MBTPS1: variants seen among roughly 807,000 people sequenced by gnomAD.
MBTPS1 encodes the protein membrane bound transcription factor peptidase, site 1.
Under a neutral mutation model 127.8 loss-of-function variants are expected in MBTPS1, and 94 were observed. The observed-to-expected ratio is 0.74, with a 90% CI of 0.62 to 0.87. The LOEUF (loss-of-function observed/expected upper bound fraction) is 0.87, where lower values mean the gene tolerates loss of function less well. Ranked by LOEUF, MBTPS1 falls within the 40% of genes least tolerant of loss-of-function variation. The pLI, the probability that MBTPS1 is intolerant of heterozygous loss-of-function variation, is 0.00. For missense variants in MBTPS1, 1,636 were observed against 1,353.2 expected, an observed-to-expected ratio of 1.21 and a Z score of -3.28; for synonymous variants, 632 against 509.4, an observed-to-expected ratio of 1.24 and a Z score of -3.24.
intron 13 of MBTPS1, among the ~76,000 whole-genome samples, chr16:84,070,323 T>G (rs1006704756): frequency 1.3e-5 from 2 of 152,194 alleles, no homozygotes; most frequent in African/African-American, 4.8e-5. Flanking sequence ...TTTGGTGCAC[T>G]CCTTTTGAGC....
Position 84,074,707 on chromosome 16 carries a change from G to A in MBTPS1, c.1483C>T (p.Pro495Ser), listed in dbSNP as rs2085827019. The change falls in exon 12 of 23, where the codon CCC (proline) becomes TCC (serine). Residue 495 changes from proline to serine, a missense_variant. Coordinates refer to ENST00000343411, the MANE Select transcript of MBTPS1 (RefSeq NM_003791.4). ...TGGGAGCAGTAGGGCCACATGTAGGGACACTCAGTCAGATCTATGTAGCTG... is the reference window on the plus strand; with the variant it reads ...TGGGAGCAGTAGGGCCACATGTAGGAACACTCAGTCAGATCTATGTAGCTG... ...SPSYIDLTEC[P>S]YMWPYCSQPI... The A allele has an allele frequency of 1.2e-6, 2 of 1,613,982 alleles. No individual in the cohort carries two copies. Among genetic ancestry groups the A allele is most frequent in the Non-Finnish European group, 8.5e-7 (1 of 1,179,984 alleles).
At chr16:84,055,768 T>C (rs993100011) in intron 22 of MBTPS1, among the ~76,000 whole-genome samples, 2 of 152,200 alleles carry the variant, frequency 1.3e-5, no homozygotes, top group African/African-American at 4.8e-5. Flanking sequence ...GTAAAATAAA[T>C]TCAAATGTGA....
chr16:84,111,481 C>A (rs962620052), intron 1 of MBTPS1, among the ~76,000 whole-genome samples: 9 of 151,524 alleles, frequency 5.9e-5, no homozygotes, highest in African/African-American at 1.7e-4. Context: ...GCAGAGGTTG[C>A]AGTGAGCCAA....
chr16:84,106,152 G>A (rs989396135), intron 1 of MBTPS1, among the ~76,000 whole-genome samples: 3 of 151,998 alleles, frequency 2.0e-5, no homozygotes, highest in East Asian at 3.9e-4. Context: ...AAAATTAGTC[G>A]TGCGTGGCGA....
chr16:84,088,057 T>G (rs746475998), intron 8 of MBTPS1, among the ~76,000 whole-genome samples: 8 of 152,052 alleles, frequency 5.3e-5, no homozygotes, highest in Non-Finnish European at 1.0e-4. Flanking sequence ...CTCCAATACC[T>G]TAAGTGCACT....
chr16:84,116,175 C>T (rs1187628190), intron 1 of MBTPS1, among the ~76,000 whole-genome samples: 3 of 152,136 alleles, frequency 2.0e-5, no homozygotes, highest in African/African-American at 7.2e-5. Context: ...AGGGGCTCAA[C>T]CCAATATGAA....
intron 17 of MBTPS1, 132 bp downstream of exon 17, chr16:84,066,357 C>T: frequency 2.2e-6 from 2 of 894,326 alleles, no homozygotes; most frequent in Non-Finnish European, 3.2e-6. Context: ...TTTGAAAATA[C>T]TGGTGAGTTC....
intron 20 of MBTPS1, 187 bp downstream of exon 20, chr16:84,060,495 G>T: frequency 1.7e-6 from 1 of 596,698 alleles, no homozygotes; most frequent in Non-Finnish European, 2.9e-6. Flanking sequence ...GGCCCTCTGG[G>T]GACTAAGGAT....
intron 7 of MBTPS1, 96 bp downstream of exon 7, chr16:84,091,636 G>A (rs2086108354): frequency 1.2e-6 from 1 of 805,526 alleles, no homozygotes; most frequent in Non-Finnish European, 2.2e-6. Context: ...TCACCACCTG[G>A]ATGAAAAGCC....
intron 2 of MBTPS1, among the ~76,000 whole-genome samples, chr16:84,101,249 G>C (rs893694648): frequency 6.6e-6 from 1 of 152,100 alleles, no homozygotes; most frequent in Non-Finnish European, 1.5e-5. Flanking sequence ...GCAGTGAACC[G>C]AGATCGTGCC....
At chr16:84,104,527 T>A (rs1378925730) in intron 1 of MBTPS1, among the ~76,000 whole-genome samples, 1 of 152,126 alleles carries the variant, frequency 6.6e-6, no homozygotes, top group African/African-American at 2.4e-5. Flanking sequence ...AGCTAAAGAA[T>A]CTATGACACA....
chr16:84,054,156 ACC>A lies in MBTPS1; in HGVS notation c.*291_*292del. ...TACATCCTTCCCCTGCAGTCAGAAG[ACC>A]CCAGACAGCCTTTCCAGTTCTCCCG... is the stretch of plus-strand genomic sequence containing the variant. On this transcript the variant is annotated 3_prime_UTR_variant, in exon 23 of 23. Coordinates refer to ENST00000343411, the MANE Select transcript of MBTPS1 (RefSeq NM_003791.4). 3.7e-6 allele frequency: 1 copy of A among 273,700 alleles called. No individual in the cohort carries two copies. The highest frequency in any genetic ancestry group is 6.9e-6 in the Non-Finnish European group (1 of 145,158). The allele number at this position is 273,700 out of a possible 1,614,324, so 17.0% of individuals were successfully genotyped here.
rs1475890707 is a variant in MBTPS1 at position 84,067,797 on chromosome 16, C to T, written c.2098G>A (p.Glu700Lys). The change falls in exon 16 of 23, where the codon GAG becomes AAG. Residue 700 changes from glutamate to lysine, a missense_variant. Transcript: ENST00000343411. ...YGTLLMVDSE[E>K]EYFPEEIAKL... Reference sequence around the variant, plus strand: ...GCGATCTCTTCAGGGAAGTACTCCTCCTCACTGTCCACCATCAGCAAAGTG... The same window carrying T: ...GCGATCTCTTCAGGGAAGTACTCCTTCTCACTGTCCACCATCAGCAAAGTG... The T allele has an allele frequency of 6.2e-7, 1 of 1,612,350 alleles. No homozygotes were observed. The highest frequency in any genetic ancestry group is 1.7e-5 in the Admixed American group (1 of 59,910).
intron 21 of MBTPS1, chr16:84,056,914 G>T (rs7206438): frequency 0.24 from 35,784 of 152,210 alleles, 4,579 homozygotes; most frequent in East Asian, 0.32. Flanking sequence ...AGAGCGAAGA[G>T]CGCGATGGGA....
chr16:84,102,799 G>C (rs988519326), intron 1 of MBTPS1, among the ~76,000 whole-genome samples: 1 of 152,134 alleles, frequency 6.6e-6, no homozygotes, highest in Non-Finnish European at 1.5e-5. Context: ...CCTTCTTTAA[G>C]AAACACTATG....
intron 11 of MBTPS1, 187 bp downstream of exon 11, chr16:84,081,560 G>C (rs1349209142): frequency 2.5e-6 from 1 of 401,134 alleles, no homozygotes; most frequent in Non-Finnish European, 4.4e-6. Context: ...ACATCAGTAA[G>C]CGAAAGCAGC....
intron 21 of MBTPS1, 149 bp from the exon 22 acceptor site, chr16:84,056,284 C>T: frequency 1.6e-6 from 1 of 606,082 alleles, no homozygotes; most frequent in East Asian, 2.9e-5. Flanking sequence ...ACCTAAATGC[C>T]ACTGACAGCA....
intron 16 of MBTPS1, 78 bp downstream of exon 16, chr16:84,067,589 A>C (rs912386813): frequency 8.5e-7 from 1 of 1,179,436 alleles, no homozygotes; most frequent in Admixed American, 1.9e-5. Context: ...AACAGGTCAA[A>C]TCATCACTTA....
intron 12 of MBTPS1, chr16:84,071,800 T>C (rs1316988975): frequency 6.6e-6 from 1 of 152,112 alleles, no homozygotes; most frequent in Non-Finnish European, 1.5e-5. Flanking sequence ...GAAAAGAGCA[T>C]CACCTGGAGG....
Sources: gnomAD v4.1 joint callset for allele counts (sites outside exome capture counted in the v4.1 genomes callset) on GRCh38, gnomAD v4.1.1 for gene constraint, MANE v1.5 for transcripts, NCBI Gene and HGNC (gene_info 2026-07-23, HGNC 2026-07-21) for gene names.